KIAA1217: variants seen among roughly 807,000 people sequenced by gnomAD.
The protein encoded by KIAA1217 is KIAA1217.
Under a neutral mutation model 163.9 loss-of-function variants are expected in KIAA1217, and 88 were observed. The observed-to-expected ratio is 0.54, with a 90% CI of 0.45 to 0.64. KIAA1217 has a LOEUF of 0.64. Ranked by LOEUF, KIAA1217 falls within the 30% of genes least tolerant of loss-of-function variation. The probability of loss-of-function intolerance (pLI) is 0.00; values close to 1 mark genes in which losing one functional copy is unlikely to be tolerated. For synonymous variants in KIAA1217, 903 were observed against 923.1 expected (o/e 0.98, Z 0.39); for missense variants, 2,372 against 2,475.0 (o/e 0.96, Z 0.88).
At chr10:24,189,548 G>C (rs1280224473) in intron 2 of KIAA1217, among the ~76,000 whole-genome samples, 1 of 152,086 alleles carries the variant, frequency 6.6e-6, no homozygotes, top group East Asian at 1.9e-4. Context: ...CCCATCACAA[G>C]GGTCATGGCT....
At chr10:24,441,945 C>A (rs2060530523) in intron 5 of KIAA1217, among the ~76,000 whole-genome samples, 1 of 152,164 alleles carries the variant, frequency 6.6e-6, no homozygotes, top group African/African-American at 2.4e-5. Flanking sequence ...TGCTAGTCAC[C>A]AAACCTGGTG....
At chr10:24,346,469 C>A (rs1204151184) in intron 2 of KIAA1217, among the ~76,000 whole-genome samples, 1 of 151,208 alleles carries the variant, frequency 6.6e-6, no homozygotes, top group Admixed American at 6.6e-5. Flanking sequence ...GAGACTCCGT[C>A]TCAAAAAATA....
chr10:24,024,750 CTAA>C (rs1474617571), intron 2 of KIAA1217, among the ~76,000 whole-genome samples: 1 of 151,642 alleles, frequency 6.6e-6, no homozygotes, highest in Non-Finnish European at 1.5e-5. Context: ...TTCAGCCATT[CTAA>C]TAATGTTTTA....
At chr10:24,253,615 C>T (rs2074803227) in intron 2 of KIAA1217, among the ~76,000 whole-genome samples, 1 of 152,050 alleles carries the variant, frequency 6.6e-6, no homozygotes, top group Non-Finnish European at 1.5e-5. Context: ...GCCTGTAATC[C>T]CAGCTACTCA....
intron 3 of KIAA1217, among the ~76,000 whole-genome samples, chr10:24,429,525 G>A (rs957770605): frequency 2.6e-5 from 4 of 151,940 alleles, no homozygotes; most frequent in African/African-American, 9.7e-5. Context: ...TTTCGGAGGG[G>A]AGGTGGCCTC....
intron 1 of KIAA1217, among the ~76,000 whole-genome samples, chr10:23,810,834 T>C (rs1476012025): frequency 2.4e-5 from 3 of 123,390 alleles, no homozygotes; most frequent in African/African-American, 9.8e-5. Flanking sequence ...ATATACTATA[T>C]ATTATATGGT....
chr10:24,190,489 T>C (rs2066665614), intron 2 of KIAA1217, among the ~76,000 whole-genome samples: 1 of 152,128 alleles, frequency 6.6e-6, no homozygotes, highest in Non-Finnish European at 1.5e-5. Context: ...CACCGTATGG[T>C]AGAATGGTCA....
At chr10:24,106,333 GA>G (rs2062627661) in intron 2 of KIAA1217, among the ~76,000 whole-genome samples, 1 of 151,990 alleles carries the variant, frequency 6.6e-6, no homozygotes, top group Non-Finnish European at 1.5e-5. Flanking sequence ...AGGACTTCAG[GA>G]AAATATCTTT....
chr10:24,459,852 A>T (rs1490206208), intron 5 of KIAA1217, among the ~76,000 whole-genome samples: 1 of 152,202 alleles, frequency 6.6e-6, no homozygotes, highest in African/African-American at 2.4e-5. Flanking sequence ...GATCACTTGA[A>T]CCAAGGAATT....
chr10:24,158,254 G>A (rs773513497), intron 2 of KIAA1217: 33 of 721,360 alleles, frequency 4.6e-5, no homozygotes, highest in East Asian at 1.3e-4. Flanking sequence ...AGCAAATGTC[G>A]GTCAGTCATG....
At chr10:23,715,976 A>C (rs568962319) in intron 1 of KIAA1217, among the ~76,000 whole-genome samples, 3 of 152,288 alleles carry the variant, frequency 2.0e-5, no homozygotes, top group Admixed American at 6.5e-5. Context: ...TTTTGCCTTA[A>C]CAGTGATGAG....
intron 2 of KIAA1217, among the ~76,000 whole-genome samples, chr10:24,340,845 T>C (rs1270476578): frequency 3.9e-5 from 6 of 152,252 alleles, no homozygotes; most frequent in Admixed American, 3.9e-4. Context: ...TAAAGTTCAC[T>C]TGGAAATTAT....
chr10:23,807,204 G>A (rs576865255), intron 1 of KIAA1217, among the ~76,000 whole-genome samples: 4 of 152,332 alleles, frequency 2.6e-5, no homozygotes, highest in East Asian at 1.9e-4. Context: ...CTGGCCTTTC[G>A]AATGGACATT....
chr10:23,798,352 C>T (rs1463909464), intron 1 of KIAA1217, among the ~76,000 whole-genome samples: 1 of 152,172 alleles, frequency 6.6e-6, no homozygotes, highest in Non-Finnish European at 1.5e-5. Context: ...AACCTGTCCT[C>T]ATGGAAGCAG....
intron 3 of KIAA1217, among the ~76,000 whole-genome samples, chr10:24,390,281 G>GT (rs2054679181): frequency 6.6e-6 from 1 of 152,054 alleles, no homozygotes; most frequent in Non-Finnish European, 1.5e-5. Flanking sequence ...GCAGGGAGCT[G>GT]TAAGTGTGGT....
chr10:24,305,626 C>A (rs1260028990), intron 2 of KIAA1217, among the ~76,000 whole-genome samples: 2 of 152,158 alleles, frequency 1.3e-5, no homozygotes, highest in Non-Finnish European at 2.9e-5. Flanking sequence ...CGGTTAGAAG[C>A]AAGATGGAGT....
At chr10:24,120,560 G>T (rs939698455) in intron 2 of KIAA1217, among the ~76,000 whole-genome samples, 1 of 152,094 alleles carries the variant, frequency 6.6e-6, no homozygotes, top group Non-Finnish European at 1.5e-5. Context: ...ATCTTGGCAC[G>T]CCACCTTTAC....
At chr10:24,220,020 T>C in intron 2 of KIAA1217, 111 bp downstream of exon 2, 2 of 1,140,326 alleles carry the variant, frequency 1.8e-6, no homozygotes, top group East Asian at 5.2e-5. Context: ...GGACTGTGCA[T>C]ACTATTTAGT....
At chr10:24,497,580 C>T (rs897937244) in intron 8 of KIAA1217, among the ~76,000 whole-genome samples, 5 of 151,892 alleles carry the variant, frequency 3.3e-5, no homozygotes, top group African/African-American at 7.3e-5. Flanking sequence ...AAAAAATGAG[C>T]GTGGTGGTAC....
Sources: allele counts gnomAD v4.1 joint callset (sites outside exome capture counted in the v4.1 genomes callset), GRCh38; gene constraint gnomAD v4.1.1; transcripts MANE v1.5; gene names NCBI Gene and HGNC (gene_info 2026-07-23, HGNC 2026-07-21).